AK9: variants seen among roughly 807,000 people sequenced by gnomAD.
The protein encoded by AK9 is adenylate kinase domain containing 1.
AK9 carries 191 observed loss-of-function variants against 239.6 expected under a neutral mutation model. That is an observed-to-expected ratio of 0.80 (90% CI 0.71 to 0.90). AK9 has a LOEUF of 0.90. AK9 is among the 40% of genes least tolerant of loss of function. AK9 has a pLI of 0.00. For missense variants in AK9, 1,995 were observed against 2,214.7 expected, an observed-to-expected ratio of 0.90 and a Z score of 1.99; for synonymous variants, 689 against 721.0, an observed-to-expected ratio of 0.96 and a Z score of 0.71.
intron 27 of AK9, among the ~76,000 whole-genome samples, chr6:109,534,123 T>C (rs1781640271): frequency 6.6e-6 from 1 of 151,344 alleles, no homozygotes; most frequent in African/African-American, 2.4e-5. Context: ...TATATTCAAA[T>C]GGGATTGTCA....
chr6:109,506,475 A>C lies in AK9; in HGVS notation c.4701T>G (p.Gly1567=). The change falls in exon 35 of 41, where the codon GGT becomes GGG. Residue 1567 remains glycine (G), a synonymous_variant. Coordinates refer to ENST00000424296, the MANE Select transcript of AK9 (RefSeq NM_001145128.3). ...GTTCTTGATAATATTGCCTAATCTCACCAATATTTTTGCGATACTTTACAT... is the reference window on the plus strand; with the variant it reads ...GTTCTTGATAATATTGCCTAATCTCCCCAATATTTTTGCGATACTTTACAT... ...VNNVKYRKNI[G]EIRQYYQEQH... is the part of the protein sequence containing the mutation. 4 of 1,613,504 alleles carry C rather than the reference A, an allele frequency of 2.5e-6. No homozygotes were observed. The highest frequency in any genetic ancestry group is 3.4e-6 in the Non-Finnish European group (4 of 1,179,784).
chr6:109,536,900 T>G (rs1343985954), intron 27 of AK9, among the ~76,000 whole-genome samples: 2 of 152,192 alleles, frequency 1.3e-5, no homozygotes, highest in African/African-American at 4.8e-5. Flanking sequence ...ATATGCTGGT[T>G]TGTGTTTATT....
At chr6:109,639,918 T>C (rs1562533081) in intron 10 of AK9, among the ~76,000 whole-genome samples, 2 of 152,198 alleles carry the variant, frequency 1.3e-5, no homozygotes, top group Non-Finnish European at 2.9e-5. Context: ...CCTTTCCCCA[T>C]TTCTTGTTTT....
intron 1 of AK9, among the ~76,000 whole-genome samples, chr6:109,684,599 G>A (rs1395240042): frequency 1.3e-5 from 2 of 151,796 alleles, no homozygotes; most frequent in Non-Finnish European, 2.9e-5. Context: ...AGGAGGCCGG[G>A]CGCGGTGGCT....
At chr6:109,671,205 GTCT>G (rs1188160727) in intron 5 of AK9, among the ~76,000 whole-genome samples, 6 of 152,200 alleles carry the variant, frequency 3.9e-5, no homozygotes, top group African/African-American at 9.6e-5. Context: ...TAGTTACAAT[GTCT>G]TCTTCTAACT....
intron 21 of AK9, among the ~76,000 whole-genome samples, chr6:109,567,345 T>C (rs1786699940): frequency 6.6e-6 from 1 of 152,048 alleles, no homozygotes; most frequent in African/African-American, 2.4e-5. Context: ...ATGGATAAAT[T>C]CCTGGACACA....
At chr6:109,652,817 C>A (rs977538238) in intron 8 of AK9, among the ~76,000 whole-genome samples, 3 of 152,170 alleles carry the variant, frequency 2.0e-5, no homozygotes, top group African/African-American at 4.8e-5. Flanking sequence ...TTTTATACAA[C>A]CATTCACCTC....
intron 31 of AK9, among the ~76,000 whole-genome samples, chr6:109,515,329 C>T (rs1342250164): frequency 2.0e-5 from 3 of 152,150 alleles, no homozygotes; most frequent in Non-Finnish European, 4.4e-5. Flanking sequence ...CCATAAAAGG[C>T]AACCTAAGGT....
At chr6:109,558,388 T>C (rs919914784) in intron 24 of AK9, among the ~76,000 whole-genome samples, 2 of 152,192 alleles carry the variant, frequency 1.3e-5, no homozygotes, top group Non-Finnish European at 2.9e-5. Context: ...TAATACATTC[T>C]AAGTTAGTTT....
In AK9 at chr6:109,644,255, T is replaced by C. The variant is rs192940010; in HGVS notation, c.834+359A>G. 7.2e-4 allele frequency among the ~76,000 whole-genome samples: 109 copies of C among 152,344 alleles called. 1 individual carries two copies. The highest frequency in any genetic ancestry group is 2.0e-3 in the African/African-American group (84 of 41,588). ...CACTTTTTATTATTTGTTTTATGTT[T>C]GTTTGTTTTTACTTTGGTCATCCTA... On this transcript the variant is annotated intron_variant, in intron 9 of 40. Transcript: ENST00000424296.
At position 109,573,487 on chromosome 6, in the gene AK9, C is replaced by G. The variant is rs1787684128; in HGVS notation, c.2299G>C (p.Glu767Gln). Residue 767 changes from glutamate (E) to glutamine (Q), a missense_variant, in exon 21 of 41, where the codon GAG becomes CAG. Glu to Gln is a conservative substitution (Grantham distance 29, BLOSUM62 2). This residue lies in a region of AK9 where 1,290 missense variants were observed against 1,392.7 expected (regional missense o/e 0.93). Transcript: ENST00000424296. ...GGGACCTCAGATGCTTCAAACTCCT[C>G]AGGTAACCATGACCCTCGGGTATCG... ...SHDTRGSWLPEEFEASEVPET... is the reference protein window; with the variant it reads ...SHDTRGSWLPQEFEASEVPET... The G allele has an allele frequency of 1.3e-6, 2 of 1,551,328 alleles. No homozygotes were observed. Among genetic ancestry groups the G allele is most frequent in the African/African-American group, 1.4e-5 (1 of 73,134 alleles).
intron 17 of AK9, among the ~76,000 whole-genome samples, chr6:109,586,959 G>A (rs1427423427): frequency 6.6e-6 from 1 of 152,040 alleles, no homozygotes; most frequent in Non-Finnish European, 1.5e-5. Context: ...GGCCTATGCA[G>A]AATTTAAAAT....
At chr6:109,657,576 T>C (rs1799867432) in intron 7 of AK9, among the ~76,000 whole-genome samples, 1 of 151,232 alleles carries the variant, frequency 6.6e-6, no homozygotes. Flanking sequence ...ATACTTTAAG[T>C]TCTAGGGTAT....
chr6:109,657,679 C>G (rs911261690), intron 7 of AK9, among the ~76,000 whole-genome samples: 1 of 151,916 alleles, frequency 6.6e-6, no homozygotes, highest in Non-Finnish European at 1.5e-5. Context: ...AGGTATATCT[C>G]CTAATGCTAT....
chr6:109,508,387 A>G (rs1407607901), intron 33 of AK9, among the ~76,000 whole-genome samples: 1 of 152,128 alleles, frequency 6.6e-6, no homozygotes, highest in Non-Finnish European at 1.5e-5. Context: ...TGCCTCACTG[A>G]GGTCCTTCTT....
At chr6:109,626,408 T>C (rs138011998) in intron 12 of AK9, among the ~76,000 whole-genome samples, 1 of 152,310 alleles carries the variant, frequency 6.6e-6, no homozygotes, top group East Asian at 1.9e-4. Flanking sequence ...GATGATACAT[T>C]ATTAGGGACT....
intron 3 of AK9, among the ~76,000 whole-genome samples, chr6:109,672,678 C>T (rs934937956): frequency 3.3e-5 from 5 of 151,652 alleles, no homozygotes; most frequent in African/African-American, 1.2e-4. Flanking sequence ...AAAGTGAGGG[C>T]GTGTCTCAAA....
At chr6:109,664,398 C>T (rs1800871777) in intron 5 of AK9, among the ~76,000 whole-genome samples, 1 of 152,170 alleles carries the variant, frequency 6.6e-6, no homozygotes, top group South Asian at 2.1e-4. Flanking sequence ...TCAGAACATG[C>T]TCATCACAAT....
intron 17 of AK9, among the ~76,000 whole-genome samples, chr6:109,589,016 T>C (rs771712590): frequency 7.2e-5 from 11 of 152,238 alleles, no homozygotes; most frequent in Non-Finnish European, 1.6e-4. Context: ...ATGTGGTTTC[T>C]CCAGCTTTAT....
Sources: allele counts gnomAD v4.1 joint callset (sites outside exome capture counted in the v4.1 genomes callset), GRCh38; gene constraint gnomAD v4.1.1; regional missense constraint gnomAD v4.1.1; transcripts MANE v1.5; gene names NCBI Gene and HGNC (gene_info 2026-07-23, HGNC 2026-07-21).